Variants in ARB2A observed in about 807,000 individuals in gnomAD.
The protein encoded by ARB2A is ARB2 cotranscriptional regulator A.
the ARB2A span, among the ~76,000 whole-genome samples, chr5:93,642,548 T>G: frequency 6.6e-6 from 1 of 152,174 alleles, no homozygotes; most frequent in African/African-American, 2.4e-5. Flanking sequence ...ATTTTTTGTA[T>G]TTTTTGTAGA....
chr5:93,830,710 T>C, the ARB2A span, among the ~76,000 whole-genome samples: 10 of 152,134 alleles, frequency 6.6e-5, no homozygotes, highest in Non-Finnish European at 1.2e-4. Context: ...ATTTTTCTAG[T>C]CCAGCAGTCC....
chr5:93,843,902 A>G, the ARB2A span, among the ~76,000 whole-genome samples: 1 of 152,080 alleles, frequency 6.6e-6, no homozygotes, highest in African/African-American at 2.4e-5. Flanking sequence ...CAACAAAATA[A>G]GTTTTCCAGG....
chr5:94,084,056 C>G, the ARB2A span, among the ~76,000 whole-genome samples: 1 of 151,730 alleles, frequency 6.6e-6, no homozygotes, highest in African/African-American at 2.4e-5. Flanking sequence ...GTGGATCCAC[C>G]TGAGGTCGGG....
the ARB2A span, among the ~76,000 whole-genome samples, chr5:94,064,874 G>A: frequency 6.6e-6 from 1 of 152,092 alleles, no homozygotes; most frequent in Non-Finnish European, 1.5e-5. Context: ...AAGATATCTA[G>A]CACCATGTAA....
At chr5:94,070,602 A>G in the ARB2A span, among the ~76,000 whole-genome samples, 1 of 152,242 alleles carries the variant, frequency 6.6e-6, no homozygotes, top group East Asian at 1.9e-4. Context: ...CATGTACCCC[A>G]TAAGTATGTA....
the ARB2A span, among the ~76,000 whole-genome samples, chr5:93,965,693 C>A: frequency 6.6e-6 from 1 of 151,838 alleles, no homozygotes; most frequent in Non-Finnish European, 1.5e-5. Flanking sequence ...TGCAAAATAC[C>A]TCAGAGAATA....
chr5:94,096,011 C>T, the ARB2A span, among the ~76,000 whole-genome samples: 1 of 152,150 alleles, frequency 6.6e-6, no homozygotes, highest in Non-Finnish European at 1.5e-5. Flanking sequence ...CCTGATCTGA[C>T]CTTTCTTCCC....
the ARB2A span, among the ~76,000 whole-genome samples, chr5:93,775,411 C>T: frequency 1.3e-5 from 2 of 152,204 alleles, no homozygotes; most frequent in Non-Finnish European, 2.9e-5. Context: ...GATGCCACTG[C>T]TCACTTGGCT....
At chr5:94,072,464 T>C in the ARB2A span, among the ~76,000 whole-genome samples, 1 of 152,174 alleles carries the variant, frequency 6.6e-6, no homozygotes, top group Non-Finnish European at 1.5e-5. Flanking sequence ...TTTGATGTAC[T>C]ATTAGCCATA....
the ARB2A span, among the ~76,000 whole-genome samples, chr5:93,858,397 A>G: frequency 6.6e-6 from 1 of 152,218 alleles, no homozygotes; most frequent in Non-Finnish European, 1.5e-5. Flanking sequence ...CTGAAATCCA[A>G]ATTCCCAGAT....
At chr5:93,964,485 A>G in the ARB2A span, 10 of 1,581,602 alleles carry the variant, frequency 6.3e-6, no homozygotes, top group Middle Eastern at 1.7e-4. Flanking sequence ...TCAAATTACA[A>G]TCCTTTTCCA....
At chr5:93,836,078 A>G in the ARB2A span, among the ~76,000 whole-genome samples, 1 of 152,230 alleles carries the variant, frequency 6.6e-6, no homozygotes, top group African/African-American at 2.4e-5. Context: ...CCCAGGCTGG[A>G]GTGCAGTGGT....
At chr5:93,732,777 T>G in the ARB2A span, among the ~76,000 whole-genome samples, 1 of 152,254 alleles carries the variant, frequency 6.6e-6, no homozygotes, top group South Asian at 2.1e-4. Flanking sequence ...CAAAGAAGAC[T>G]AGGAGAATGT....
At chr5:93,773,923 A>G in the ARB2A span, among the ~76,000 whole-genome samples, 1 of 152,182 alleles carries the variant, frequency 6.6e-6, no homozygotes. Flanking sequence ...GTGCACCACC[A>G]TACTTGGCTA....
chr5:93,655,184 C>T, the ARB2A span, among the ~76,000 whole-genome samples: 1 of 152,188 alleles, frequency 6.6e-6, no homozygotes. Flanking sequence ...GAAGCACCAT[C>T]TAAATGGAAA....
At chr5:93,759,982 T>C in the ARB2A span, among the ~76,000 whole-genome samples, 1 of 152,108 alleles carries the variant, frequency 6.6e-6, no homozygotes, top group African/African-American at 2.4e-5. Context: ...AATACGAGTG[T>C]TTACCTTGAA....
chr5:93,617,815 A>G, the ARB2A span, among the ~76,000 whole-genome samples: 1 of 152,290 alleles, frequency 6.6e-6, no homozygotes, highest in South Asian at 2.1e-4. Context: ...TTTCCTTGCT[A>G]AGGAGATATT....
the ARB2A span, among the ~76,000 whole-genome samples, chr5:94,094,315 T>C: frequency 6.6e-6 from 1 of 152,304 alleles, no homozygotes. Flanking sequence ...ACCATGTCCT[T>C]ACATGGTAAA....
At chr5:93,957,638 G>GA in the ARB2A span, among the ~76,000 whole-genome samples, 33 of 149,926 alleles carry the variant, frequency 2.2e-4, no homozygotes, top group African/African-American at 6.3e-4. Context: ...CAAAAAGTGG[G>GA]AAAAAAAAAC....
Sources: allele counts gnomAD v4.1 joint callset (sites outside exome capture counted in the v4.1 genomes callset), GRCh38; gene constraint gnomAD v4.1.1; transcripts MANE v1.5; gene names NCBI Gene and HGNC (gene_info 2026-07-23, HGNC 2026-07-21).